ARPP19: variants seen among roughly 807,000 people sequenced by gnomAD.
The protein encoded by ARPP19 is cAMP-regulated phosphoprotein 19.
Under a neutral mutation model 12.0 loss-of-function variants are expected in ARPP19, and 8 were observed. The ratio of observed to expected loss-of-function variants is 0.67; its 90% CI spans 0.39 to 1.21. The LOEUF (loss-of-function observed/expected upper bound fraction) is 1.21, where lower values mean the gene tolerates loss of function less well. ARPP19 is among the 50% of genes most tolerant of loss of function. The probability of loss-of-function intolerance (pLI) is 0.01; values close to 1 mark genes in which losing one functional copy is unlikely to be tolerated. For synonymous variants in ARPP19, 47 were observed against 50.4 expected, an observed-to-expected ratio of 0.93 and a Z score of 0.29; for missense variants, 102 against 136.3, an observed-to-expected ratio of 0.75 and a Z score of 1.25.
chr15:52,565,935 C>A (rs2935477), intron 1 of ARPP19, among the ~76,000 whole-genome samples: 146,651 of 152,192 alleles, frequency 0.96, 70,896 homozygotes, highest in East Asian at 1. Flanking sequence ...GCTAACTGCA[C>A]CCTCCGCCTC....
At position 52,550,478 on chromosome 15, in the gene ARPP19, C is replaced by G. The variant is rs759952871; in HGVS notation, c.*1456G>C. ...TTCCGAACCGTTTCATTATAAAGTT[C>G]CTTTTATTTAAACAATTGTAGAATA... On this transcript the variant is annotated 3_prime_UTR_variant, in exon 3 of 3. Coordinates refer to ENST00000249822, the MANE Select transcript of ARPP19 (RefSeq NM_006628.6). 4.4e-4 allele frequency: 67 copies of G among 152,192 alleles called. No homozygotes were observed. The highest frequency in any genetic ancestry group is 6.8e-3 in the Middle Eastern group (2 of 292). 9.4% of individuals were successfully genotyped at this position (152,192 alleles called of 1,614,324 possible).
chr15:52,568,959 C>T lies in ARPP19; in HGVS notation c.-67G>A, dbSNP rs2078115368. On this transcript the variant is annotated 5_prime_UTR_variant, in exon 1 of 3. Coordinates refer to ENST00000249822, the MANE Select transcript of ARPP19 (RefSeq NM_006628.6). ...TAGCGGGTGGCCGAGGCCACCCGGC[C>T]GCCGCCCGTCCCAGCTCTCCCAGGG... is the stretch of plus-strand genomic sequence containing the variant. 2 of 1,182,020 alleles carry T rather than the reference C, an allele frequency of 1.7e-6. No homozygotes were observed. Among genetic ancestry groups the T allele is most frequent in the African/African-American group, 3.2e-5 (2 of 61,824 alleles). 73.2% of individuals were successfully genotyped at this position (1,182,020 alleles called of 1,614,324 possible). A position where few individuals can be genotyped will look rare whatever the true frequency, so the allele number is the denominator to read the frequency against.
rs998133193 is a variant in ARPP19 at position 52,548,856 on chromosome 15, C to T, written c.*3078G>A. On this transcript the variant is annotated 3_prime_UTR_variant, in exon 3 of 3. Coordinates refer to ENST00000249822, the MANE Select transcript of ARPP19 (RefSeq NM_006628.6). ...AATATTCAGAGGTATAGTTTTGTTT[C>T]ATCAAGTAAAAAGAGCAACTAATTC... 3 of 152,610 alleles carry T rather than the reference C, an allele frequency of 2.0e-5. No homozygotes were observed. Among genetic ancestry groups the T allele is most frequent in the African/African-American group, 7.2e-5 (3 of 41,444 alleles). The allele number at this position is 152,610 out of a possible 1,614,324, so 9.5% of individuals were successfully genotyped here. A position where few individuals can be genotyped will look rare whatever the true frequency, so the allele number is the denominator to read the frequency against.
intron 1 of ARPP19, among the ~76,000 whole-genome samples, chr15:52,566,288 A>T (rs1407782595): frequency 1.3e-5 from 2 of 152,098 alleles, no homozygotes; most frequent in Admixed American, 1.3e-4. Flanking sequence ...TCTCCCGAGT[A>T]GCTGGGATTA....
At chr15:52,555,936 A>T (rs1031639855) in intron 2 of ARPP19, among the ~76,000 whole-genome samples, 1 of 152,028 alleles carries the variant, frequency 6.6e-6, no homozygotes, top group African/African-American at 2.4e-5. Context: ...TGTACACTTA[A>T]AAGTTCCCTT....
In ARPP19 at chr15:52,549,805, G is replaced by T. The variant is rs987869699; in HGVS notation, c.*2129C>A. 6.6e-6 allele frequency: 1 copy of T among 152,450 alleles called. No individual in the cohort carries two copies. The highest frequency in any genetic ancestry group is 1.5e-5 in the Non-Finnish European group (1 of 68,022). The allele number at this position is 152,450 out of a possible 1,614,324, so 9.4% of individuals were successfully genotyped here. ...ACTAGATATAGAAATTCTACTCTGG[G>T]TTATTTTAAACTTCTTAAATTGATT... On this transcript the variant is annotated 3_prime_UTR_variant, in exon 3 of 3. Coordinates refer to ENST00000249822, the MANE Select transcript of ARPP19 (RefSeq NM_006628.6).
At chr15:52,564,379 C>G (rs895693665) in intron 1 of ARPP19, 2 of 659,848 alleles carry the variant, frequency 3.0e-6, no homozygotes, top group Admixed American at 2.4e-5. Context: ...GCCATTGCAC[C>G]CCAGCCTGGG....
At chr15:52,557,458 T>C in intron 1 of ARPP19, 1 of 432,072 alleles carries the variant, frequency 2.3e-6, no homozygotes, top group Admixed American at 4.0e-5. Flanking sequence ...TGGATAAAAA[T>C]ATCAAGATAG....
At chr15:52,555,699 C>A (rs2077975679) in intron 2 of ARPP19, among the ~76,000 whole-genome samples, 1 of 151,930 alleles carries the variant, frequency 6.6e-6, no homozygotes, top group Admixed American at 6.6e-5. Context: ...ATACCCTGTT[C>A]TGAAACGAGT....
At chr15:52,563,058 TACAG>T (rs966102903) in intron 1 of ARPP19, among the ~76,000 whole-genome samples, 4 of 152,034 alleles carry the variant, frequency 2.6e-5, no homozygotes, top group Non-Finnish European at 5.9e-5. Flanking sequence ...GTATTTTTAG[TACAG>T]ACAGGGTTTC....
At position 52,548,172 on chromosome 15, in the gene ARPP19, GAAAT is replaced by G. The variant is rs1188213889; in HGVS notation, c.*3758_*3761del. Reference sequence around the variant, plus strand: ...CAAAAATATTATGTGGAAAATTCCAGAAATAAACAATTCATGTTTTAAATCATAA... The same window carrying G: ...CAAAAATATTATGTGGAAAATTCCAGAAACAATTCATGTTTTAAATCATAA... On this transcript the variant is annotated 3_prime_UTR_variant, in exon 3 of 3. Coordinates refer to ENST00000249822, the MANE Select transcript of ARPP19 (RefSeq NM_006628.6). 1 of 152,224 alleles carries G rather than the reference GAAAT, an allele frequency of 6.6e-6. No individual in the cohort carries two copies. The highest frequency in any genetic ancestry group is 1.5e-5 in the Non-Finnish European group (1 of 68,044). 9.4% of individuals were successfully genotyped at this position (152,224 alleles called of 1,614,324 possible). A position where few individuals can be genotyped will look rare whatever the true frequency, so the allele number is the denominator to read the frequency against.
rs138047547 is a variant in ARPP19, at chr15:52,549,259, G to T, written c.*2675C>A. 2 of 152,142 alleles carry T rather than the reference G, an allele frequency of 1.3e-5. No individual in the cohort carries two copies. Among genetic ancestry groups the T allele is most frequent in the African/African-American group, 2.4e-5 (1 of 41,404 alleles). The allele number at this position is 152,142 out of a possible 1,614,324, so 9.4% of individuals were successfully genotyped here. On this transcript the variant is annotated 3_prime_UTR_variant, in exon 3 of 3. Transcript: ENST00000249822. ...TTTCTGAGACTGTAACTTTGAAATT[G>T]TAAGAAATGGACAATTAAGCTCACT...
rs770729483 is a variant in ARPP19, at chr15:52,551,984, C to T, written c.289G>A (p.Asp97Asn). Residue 97 changes from aspartate (D) to asparagine (N), a missense_variant, in exon 3 of 3, where the codon GAC (aspartate) becomes AAC (asparagine). Transcript: ENST00000249822. ...VTGDHIPTPQDLPQRKPSLVA... is the reference protein window; with the variant it reads ...VTGDHIPTPQNLPQRKPSLVA... The stretch of plus-strand genomic sequence containing the variant: ...AGGGACGGCTTCCGTTGAGGAAGGT[C>T]TTGCGGAGTGGGAATGTGGTCACCA... The T allele has an allele frequency of 6.2e-7, 1 of 1,613,726 alleles. No homozygotes were observed. Among genetic ancestry groups the T allele is most frequent in the Non-Finnish European group, 8.5e-7 (1 of 1,179,570 alleles).
rs748968095 is a variant in ARPP19 at position 52,550,743 on chromosome 15, G to C, written c.*1191C>G. 6.6e-5 allele frequency: 10 copies of C among 152,558 alleles called. No homozygotes were observed. Among genetic ancestry groups the C allele is most frequent in the Admixed American group, 2.6e-4 (4 of 15,274 alleles). The allele number at this position is 152,558 out of a possible 1,614,324, so 9.5% of individuals were successfully genotyped here. A position where few individuals can be genotyped will look rare whatever the true frequency, so the allele number is the denominator to read the frequency against. On this transcript the variant is annotated 3_prime_UTR_variant, in exon 3 of 3. Transcript: ENST00000249822. ...TACAACAAACAGCTCAATACCATTT[G>C]AGTCAAAGAACAAAGGGGAAAAAAA...
chr15:52,547,420 A>G lies in ARPP19; in HGVS notation c.*4514T>C, dbSNP rs1169894670. 1 of 152,234 alleles carries G rather than the reference A, an allele frequency of 6.6e-6. No individual in the cohort carries two copies. Among genetic ancestry groups the G allele is most frequent in the African/African-American group, 2.4e-5 (1 of 41,458 alleles). The allele number at this position is 152,234 out of a possible 1,614,324, so 9.4% of individuals were successfully genotyped here. On this transcript the variant is annotated 3_prime_UTR_variant, in exon 3 of 3. Transcript: ENST00000249822. ...CCTTTCAGTACAGGCGAAGTGTTCTATTGCATCACAAGTGCTAGTGATGCA... is the reference window on the plus strand; with the variant it reads ...CCTTTCAGTACAGGCGAAGTGTTCTGTTGCATCACAAGTGCTAGTGATGCA...
At chr15:52,556,036 G>A (rs974096750) in intron 2 of ARPP19, among the ~76,000 whole-genome samples, 5 of 151,712 alleles carry the variant, frequency 3.3e-5, no homozygotes, top group Non-Finnish European at 5.9e-5. Flanking sequence ...TTCATGGTAC[G>A]GGAGTTTTAC....
At chr15:52,555,231 A>G (rs2077970796) in intron 2 of ARPP19, among the ~76,000 whole-genome samples, 1 of 152,082 alleles carries the variant, frequency 6.6e-6, no homozygotes, top group Non-Finnish European at 1.5e-5. Context: ...TGTATATGAA[A>G]TCTGACTTGA....
intron 2 of ARPP19, among the ~76,000 whole-genome samples, chr15:52,555,589 G>A (rs577836034): frequency 6.6e-6 from 1 of 151,998 alleles, no homozygotes; most frequent in East Asian, 1.9e-4. Context: ...CTATAAGGAG[G>A]ACCTTCCAAC....
In ARPP19 at chr15:52,557,654, C is replaced by T. The variant is rs189264308; in HGVS notation, c.46-432G>A. On this transcript the variant is annotated intron_variant, in intron 1 of 2. Transcript: ENST00000249822. ...GTATGATTTGAAGTTAGATTCTTTA[C>T]TAGAAATTAACAGCAGCCTACTTAT... The T allele has an allele frequency of 6.5e-3, 992 of 152,354 alleles. 6 individuals are homozygous for T. Among genetic ancestry groups the T allele is most frequent in the Middle Eastern group, 0.01 (3 of 294 alleles). 9.4% of individuals were successfully genotyped at this position (152,354 alleles called of 1,614,324 possible).
Sources: allele counts gnomAD v4.1 joint callset (sites outside exome capture counted in the v4.1 genomes callset), GRCh38; gene constraint gnomAD v4.1.1; transcripts MANE v1.5; gene names NCBI Gene and HGNC (gene_info 2026-07-23, HGNC 2026-07-21).